ITGBL1: variants seen among roughly 807,000 people sequenced by gnomAD.
ITGBL1 encodes the protein integrin beta-like protein 1.
A neutral mutation model predicts 68.5 loss-of-function variants in ITGBL1; 51 were observed. That is an observed-to-expected ratio of 0.74 (90% CI 0.59 to 0.94). The LOEUF is 0.94. ITGBL1 is among the 40% of genes least tolerant of loss of function. ITGBL1 has a pLI of 0.00. For missense variants in ITGBL1, 649 were observed against 647.4 expected (o/e 1.00, Z -0.03); for synonymous variants, 209 against 227.3 (o/e 0.92, Z 0.72).
rs369178890 is a variant in ITGBL1, at chr13:101,483,451, T to C, written c.316+29351T>C. 7.3e-4 allele frequency among the ~76,000 whole-genome samples: 111 copies of C among 152,278 alleles called. 1 individual carries two copies. The South Asian group carries it at 0.022, about 30-fold the overall frequency. ...TTCAGAAGACAACCTCAGGCCAAAATTTATTTAACTGAAGTTATTGATGAA... is the reference window on the plus strand; with the variant it reads ...TTCAGAAGACAACCTCAGGCCAAAACTTATTTAACTGAAGTTATTGATGAA... On this transcript the variant is annotated intron_variant, in intron 2 of 10. Coordinates refer to ENST00000376180, the MANE Select transcript of ITGBL1 (RefSeq NM_004791.3).
At chr13:101,496,715 C>T (rs1053281784) in intron 2 of ITGBL1, among the ~76,000 whole-genome samples, 1 of 152,158 alleles carries the variant, frequency 6.6e-6, no homozygotes, top group Non-Finnish European at 1.5e-5. Flanking sequence ...CAAATCCACA[C>T]ATATATTAGA....
chr13:101,651,455 G>A (rs556467861), intron 7 of ITGBL1, among the ~76,000 whole-genome samples: 15 of 152,226 alleles, frequency 9.9e-5, no homozygotes, highest in African/African-American at 2.6e-4. Flanking sequence ...TTTGTTGGTC[G>A]CATGAATGTC....
chr13:101,467,617 T>C (rs976751377), intron 2 of ITGBL1, among the ~76,000 whole-genome samples: 6 of 152,170 alleles, frequency 3.9e-5, no homozygotes, highest in African/African-American at 1.4e-4. Context: ...TCATCTTACT[T>C]AAGGCTGGGT....
chr13:101,531,453 A>G (rs2139160306), intron 2 of ITGBL1, among the ~76,000 whole-genome samples: 1 of 152,138 alleles, frequency 6.6e-6, no homozygotes, highest in Non-Finnish European at 1.5e-5. Flanking sequence ...TTAAAGCAAT[A>G]CTCTGGAAAG....
intron 9 of ITGBL1, 35 bp downstream of exon 9, chr13:101,706,937 TG>T: frequency 6.3e-7 from 1 of 1,598,898 alleles, no homozygotes; most frequent in Non-Finnish European, 8.6e-7. Flanking sequence ...ACTCCATTCC[TG>T]TTCTGACACA....
chr13:101,531,602 T>C (rs2049476980), intron 2 of ITGBL1, among the ~76,000 whole-genome samples: 1 of 132,112 alleles, frequency 7.6e-6, no homozygotes. Flanking sequence ...CTTCATAGCG[T>C]ATTTTTTGGG....
intron 2 of ITGBL1, among the ~76,000 whole-genome samples, chr13:101,476,606 A>G (rs549149337): frequency 6.6e-6 from 1 of 152,090 alleles, no homozygotes; most frequent in African/African-American, 2.4e-5. Context: ...CCCACAACTA[A>G]CACACTTCAT....
chr13:101,463,031 CCT>C (rs1039321980), intron 2 of ITGBL1, among the ~76,000 whole-genome samples: 1 of 152,124 alleles, frequency 6.6e-6, no homozygotes, highest in Non-Finnish European at 1.5e-5. Context: ...GAGGTTACAA[CCT>C]CTGTTTCCTT....
chr13:101,714,230 G>A lies in ITGBL1; in HGVS notation c.1280-208G>A, dbSNP rs148286699. Reference sequence around the variant, plus strand: ...CATTTGTTCAAGGCTAATTGCAACTGTCTAGATCCATAATGAAGGCTTTCC... The same window carrying A: ...CATTTGTTCAAGGCTAATTGCAACTATCTAGATCCATAATGAAGGCTTTCC... On this transcript the variant is annotated intron_variant, in intron 9 of 10. Transcript: ENST00000376180. 2.4e-4 allele frequency: 138 copies of A among 575,590 alleles called. No homozygotes were observed. In the East Asian group the frequency reaches 4.0e-3, roughly 17 times the overall value. 35.7% of individuals were successfully genotyped at this position (575,590 alleles called of 1,614,324 possible). A position where few individuals can be genotyped will look rare whatever the true frequency, so the allele number is the denominator to read the frequency against.
At chr13:101,488,016 G>T (rs77606878) in intron 2 of ITGBL1, among the ~76,000 whole-genome samples, 3,002 of 152,238 alleles carry the variant, frequency 0.02, 97 homozygotes, top group African/African-American at 0.068. Context: ...GCTGGGCTTC[G>T]GAGGAGGAGA....
At chr13:101,673,743 G>A (rs2033433217) in intron 7 of ITGBL1, among the ~76,000 whole-genome samples, 1 of 152,190 alleles carries the variant, frequency 6.6e-6, no homozygotes, top group Non-Finnish European at 1.5e-5. Context: ...ACTCCTGAGA[G>A]AATAATGCTG....
At chr13:101,515,765 GA>G (rs2049184882) in intron 2 of ITGBL1, among the ~76,000 whole-genome samples, 1 of 152,010 alleles carries the variant, frequency 6.6e-6, no homozygotes, top group Non-Finnish European at 1.5e-5. Flanking sequence ...GAATCTAGGT[GA>G]AACATTTCAT....
At chr13:101,489,149 TACAAG>T (rs2048740730) in intron 2 of ITGBL1, among the ~76,000 whole-genome samples, 2 of 152,338 alleles carry the variant, frequency 1.3e-5, no homozygotes, top group East Asian at 1.9e-4. Context: ...TAAAATGTGT[TACAAG>T]ACAGCTTTCA....
intron 4 of ITGBL1, among the ~76,000 whole-genome samples, chr13:101,578,076 T>C (rs1430184825): frequency 6.6e-6 from 1 of 152,188 alleles, no homozygotes; most frequent in Non-Finnish European, 1.5e-5. Flanking sequence ...TCTCTGGCTC[T>C]GTCTCTCAGA....
At chr13:101,640,771 C>T (rs2032338325) in intron 7 of ITGBL1, among the ~76,000 whole-genome samples, 1 of 151,904 alleles carries the variant, frequency 6.6e-6, no homozygotes, top group Admixed American at 6.6e-5. Context: ...AGCTTTTGTC[C>T]CCCTCCCTCT....
chr13:101,498,407 CATAA>C (rs2048889792), intron 2 of ITGBL1, among the ~76,000 whole-genome samples: 2 of 152,130 alleles, frequency 1.3e-5, no homozygotes, highest in African/African-American at 2.4e-5. Context: ...TATTTTTAAT[CATAA>C]ATACATATAC....
At chr13:101,669,124 G>T (rs1361425103) in intron 7 of ITGBL1, among the ~76,000 whole-genome samples, 1 of 151,288 alleles carries the variant, frequency 6.6e-6, no homozygotes, top group East Asian at 1.9e-4. Flanking sequence ...AAAAAAAAAA[G>T]TATAAGCATG....
At chr13:101,699,936 A>C (rs2034095882) in intron 8 of ITGBL1, among the ~76,000 whole-genome samples, 1 of 152,188 alleles carries the variant, frequency 6.6e-6, no homozygotes, top group Non-Finnish European at 1.5e-5. Context: ...TCATTTCATG[A>C]GACAACACAA....
intron 2 of ITGBL1, among the ~76,000 whole-genome samples, chr13:101,464,947 A>C (rs2048363857): frequency 6.6e-6 from 1 of 152,212 alleles, no homozygotes; most frequent in Admixed American, 6.5e-5. Context: ...CACATGTGTA[A>C]ACCTGCTAGA....
Sources: gnomAD v4.1 joint callset for allele counts (sites outside exome capture counted in the v4.1 genomes callset) on GRCh38, gnomAD v4.1.1 for gene constraint, MANE v1.5 for transcripts, NCBI Gene and HGNC (gene_info 2026-07-23, HGNC 2026-07-21) for gene names.